COL4A2: variants seen among roughly 807,000 people sequenced by gnomAD.
COL4A2 encodes the protein collagen type IV alpha 2 chain.
Under a neutral mutation model 200.2 loss-of-function variants are expected in COL4A2, and 99 were observed. The ratio of observed to expected loss-of-function variants is 0.49; its 90% CI spans 0.42 to 0.58. COL4A2 has a LOEUF of 0.58. Ranked by LOEUF, COL4A2 falls within the 20% of genes least tolerant of loss-of-function variation. COL4A2 has a pLI of 0.00. For missense variants in COL4A2, 1,950 were observed against 2,314.1 expected, an observed-to-expected ratio of 0.84 and a Z score of 3.23; for synonymous variants, 897 against 900.6, an observed-to-expected ratio of 1.00 and a Z score of 0.07.
chr13:110,313,011 C>T (rs1486614346), intron 3 of COL4A2, among the ~76,000 whole-genome samples: 4 of 152,176 alleles, frequency 2.6e-5, no homozygotes, highest in Non-Finnish European at 5.9e-5. Flanking sequence ...CGCTGTGATG[C>T]TGGGGATGAG....
At chr13:110,498,474 T>C (rs923305701) in intron 40 of COL4A2, among the ~76,000 whole-genome samples, 1 of 151,986 alleles carries the variant, frequency 6.6e-6, no homozygotes, top group African/African-American at 2.4e-5. Flanking sequence ...CAGTGGCCCA[T>C]AGAGGGGGGT....
chr13:110,469,460 C>T (rs952267204), intron 28 of COL4A2, 136 bp downstream of exon 28: 1 of 909,348 alleles, frequency 1.1e-6, no homozygotes, highest in Non-Finnish European at 1.6e-6. Context: ...TTGCATTTGT[C>T]CTTGGGAGAT....
At chr13:110,339,118 G>A (rs1248018604) in intron 3 of COL4A2, among the ~76,000 whole-genome samples, 1 of 152,146 alleles carries the variant, frequency 6.6e-6, no homozygotes, top group East Asian at 1.9e-4. Context: ...GTTATCATGT[G>A]GTAAGAACAG....
At chr13:110,331,618 A>T (rs1324085743) in intron 3 of COL4A2, among the ~76,000 whole-genome samples, 1 of 152,154 alleles carries the variant, frequency 6.6e-6, no homozygotes, top group Non-Finnish European at 1.5e-5. Flanking sequence ...ATCATTCACA[A>T]CCACAAAGCC....
At chr13:110,355,980 G>A (rs142904433) in intron 3 of COL4A2, among the ~76,000 whole-genome samples, 9 of 152,234 alleles carry the variant, frequency 5.9e-5, no homozygotes, top group East Asian at 1.9e-4. Context: ...GGAGGCCTGC[G>A]CTGAGACTCG....
In COL4A2 at chr13:110,437,951, A is replaced by G. The variant is rs767871386; in HGVS notation, c.826-51A>G. 2.7e-6 allele frequency: 4 copies of G among 1,479,446 alleles called. No homozygotes were observed. In the Admixed American group the frequency reaches 6.7e-5, roughly 25 times the overall value. The allele number at this position is 1,479,446 out of a possible 1,614,324, so 91.6% of individuals were successfully genotyped here. A position where few individuals can be genotyped will look rare whatever the true frequency, so the allele number is the denominator to read the frequency against. ...CATGAACCCTGATTGATTTTTACCC[A>G]TTACCATCCTCAAATTAATAAGCGT... On this transcript the variant is annotated intron_variant, in intron 13 of 47. Coordinates refer to ENST00000360467, the MANE Select transcript of COL4A2 (RefSeq NM_001846.4).
chr13:110,460,456 A>G (rs894848223), intron 22 of COL4A2, among the ~76,000 whole-genome samples: 5 of 152,348 alleles, frequency 3.3e-5, no homozygotes, highest in Middle Eastern at 3.4e-3. Flanking sequence ...GCGTGGGGTG[A>G]GAACTGCACA....
intron 4 of COL4A2, among the ~76,000 whole-genome samples, chr13:110,392,057 A>G (rs1879003601): frequency 6.6e-6 from 1 of 152,200 alleles, no homozygotes; most frequent in Non-Finnish European, 1.5e-5. Context: ...CAAAGACCCA[A>G]GTTTTCAACA....
chr13:110,446,105 G>C (rs1035714238), intron 17 of COL4A2, among the ~76,000 whole-genome samples: 1 of 152,236 alleles, frequency 6.6e-6, no homozygotes, highest in African/African-American at 2.4e-5. Context: ...TCAGGGCCAC[G>C]TAGGGGTGCG....
In COL4A2 at chr13:110,439,847, A is replaced by G. The variant is rs766315511; in HGVS notation, c.957+14A>G. 14 of 1,613,852 alleles carry G rather than the reference A, an allele frequency of 8.7e-6. No homozygotes were observed. Among genetic ancestry groups the G allele is most frequent in the Admixed American group, 1.7e-5 (1 of 59,966 alleles). On this transcript the variant is annotated intron_variant, in intron 16 of 47. Transcript: ENST00000360467. Reference sequence around the variant, plus strand: ...CCAGGACAGAAGGTAAGTTGGATGCATGAACTGCAGTCTGCTCTGGGCCCA... The same window carrying G: ...CCAGGACAGAAGGTAAGTTGGATGCGTGAACTGCAGTCTGCTCTGGGCCCA...
In COL4A2 at chr13:110,386,032, T is replaced by C. The variant is rs75345389; in HGVS notation, c.180+28480T>C. 9.3e-4 allele frequency among the ~76,000 whole-genome samples: 75 copies of C among 80,230 alleles called. 1 individual carries two copies. The highest frequency in any genetic ancestry group is 1.1e-3 in the Non-Finnish European group (37 of 34,826). 52.6% of individuals were successfully genotyped at this position (80,230 alleles called of 152,430 possible). A position where few individuals can be genotyped will look rare whatever the true frequency, so the allele number is the denominator to read the frequency against. ...GCGTGTGGATGGGCCGTGGTTACAG[T>C]GTGTGGATAGACCGTGGTTACGTTT... On this transcript the variant is annotated intron_variant, in intron 4 of 47. Coordinates refer to ENST00000360467, the MANE Select transcript of COL4A2 (RefSeq NM_001846.4).
intron 4 of COL4A2, among the ~76,000 whole-genome samples, chr13:110,422,518 G>C (rs1880292901): frequency 1.3e-5 from 2 of 152,154 alleles, no homozygotes; most frequent in African/African-American, 2.4e-5. Context: ...CTGAAATTAG[G>C]CTGCCCGAGG....
chr13:110,351,353 G>C (rs902130937), intron 3 of COL4A2, among the ~76,000 whole-genome samples: 3 of 152,170 alleles, frequency 2.0e-5, no homozygotes, highest in African/African-American at 7.2e-5. Flanking sequence ...GGGATTACAG[G>C]CATGAGCCCC....
At chr13:110,408,993 CGCACACAT>C (rs1214626819) in intron 4 of COL4A2, among the ~76,000 whole-genome samples, 1 of 11,340 alleles carries the variant, frequency 8.8e-5, no homozygotes, top group Admixed American at 1.2e-3. Flanking sequence ...CATGCACACA[CGCACACAT>C]ACACACACAC....
chr13:110,495,375 G>C lies in COL4A2; in HGVS notation c.3668G>C (p.Gly1223Ala). The C allele has an allele frequency of 7.4e-6, 12 of 1,614,018 alleles. No individual in the cohort carries two copies. Among genetic ancestry groups the C allele is most frequent in the Non-Finnish European group, 1.0e-5 (12 of 1,179,958 alleles). ...SDIHGDPGFPGPPGERGDPGE... is the reference protein window; with the variant it reads ...SDIHGDPGFPAPPGERGDPGE... ...ATCCACGGAGACCCAGGCTTCCCAG[G>C]CCCTCCTGGGGAAAGAGGTGACCCA... Residue 1223 changes from glycine (G) to alanine (A), a missense_variant, in exon 40 of 48, where the codon GGC becomes GCC. Coordinates refer to ENST00000360467, the MANE Select transcript of COL4A2 (RefSeq NM_001846.4).
At chr13:110,511,888 T>C (rs1484875782) in intron 47 of COL4A2, 46 bp from the exon 48 acceptor site, 2 of 1,612,102 alleles carry the variant, frequency 1.2e-6, no homozygotes, top group East Asian at 4.5e-5. Flanking sequence ...CCGTGCCACC[T>C]GCAGGCTGTG....
intron 3 of COL4A2, chr13:110,328,657 G>T (rs1875754940): frequency 6.6e-6 from 1 of 152,214 alleles, no homozygotes; most frequent in Non-Finnish European, 1.5e-5. Context: ...TCTCTGAAGG[G>T]CTCGTTCTAG....
At chr13:110,505,172 A>G (rs1449181059) in intron 45 of COL4A2, among the ~76,000 whole-genome samples, 5 of 150,932 alleles carry the variant, frequency 3.3e-5, no homozygotes, top group African/African-American at 9.7e-5. Flanking sequence ...AACACGGTGA[A>G]ACCCCGTCTC....
At chr13:110,484,762 TCTCCGGCGCCCTTGGTCTCTCTC>T in intron 32 of COL4A2, 120 bp from the exon 33 acceptor site, 2 of 1,229,918 alleles carry the variant, frequency 1.6e-6, no homozygotes, top group East Asian at 5.0e-5. Flanking sequence ...AGGAGAGGCT[TCTCCGGCGCCCTTGGTCTCTCTC>T]CAAGGCTTCC....
Sources: gnomAD v4.1 joint callset for allele counts (sites outside exome capture counted in the v4.1 genomes callset) on GRCh38, gnomAD v4.1.1 for gene constraint, MANE v1.5 for transcripts, NCBI Gene and HGNC (gene_info 2026-07-23, HGNC 2026-07-21) for gene names.